SLFN11: variants seen among roughly 807,000 people sequenced by gnomAD.
SLFN11 encodes schlafen family member 11.
Under a neutral mutation model 53.4 loss-of-function variants are expected in SLFN11, and 43 were observed. That is an observed-to-expected ratio of 0.80 (90% CI 0.63 to 1.04). The LOEUF (loss-of-function observed/expected upper bound fraction) is 1.04. SLFN11 is among the 50% of genes least tolerant of loss of function. The pLI, the probability that SLFN11 is intolerant of heterozygous loss-of-function variation, is 0.00. For synonymous variants in SLFN11, 389 were observed against 394.7 expected (o/e 0.99, Z 0.17); for missense variants, 990 against 1,079.1 (o/e 0.92, Z 1.16).
At chr17:35,358,842 C>A (rs946864128) in intron 5 of SLFN11, among the ~76,000 whole-genome samples, 3 of 151,710 alleles carry the variant, frequency 2.0e-5, no homozygotes, top group African/African-American at 7.3e-5. Flanking sequence ...TTTACAATTA[C>A]TGTTATTCAC....
At chr17:35,368,743 A>T (rs773645509) in intron 1 of SLFN11, among the ~76,000 whole-genome samples, 1 of 152,000 alleles carries the variant, frequency 6.6e-6, no homozygotes, top group Non-Finnish European at 1.5e-5. Flanking sequence ...CCTTCCTTCC[A>T]TTTGAGGAGA....
Position 35,366,799 on chromosome 17 carries a change from T to A in SLFN11, c.-20+148A>T, listed in dbSNP as rs575626900. 3.3e-5 allele frequency: 5 copies of A among 152,284 alleles called. No homozygotes were observed. In the East Asian group the frequency reaches 5.8e-4, roughly 18 times the overall value. The allele number at this position is 152,284 out of a possible 1,614,324, so 9.4% of individuals were successfully genotyped here. A position where few individuals can be genotyped will look rare whatever the true frequency, so the allele number is the denominator to read the frequency against. The stretch of plus-strand genomic sequence containing the variant: ...ATAAAAGTGAAGGCTGGGCCGGGTT[T>A]GGTGGCTCATGCCTGTAATCCCAGC... On this transcript the variant is annotated intron_variant, in intron 3 of 6. Transcript: ENST00000685675.
Position 35,352,678 on chromosome 17 carries a change from G to GTGTC in SLFN11, c.2380_2383dup (p.Thr795ArgfsTer8). On this transcript the variant is annotated frameshift_variant, in exon 7 of 7. Coordinates refer to ENST00000685675, the MANE Select transcript of SLFN11 (RefSeq NM_001376007.1). LOFTEE classifies it low-confidence loss of function (END_TRUNC). ...GCCCCTATCAAAGAAGCGCCTGCACGTGTCTGCCACACAGGTCATTATTTG... is the reference window on the plus strand; with the variant it reads ...GCCCCTATCAAAGAAGCGCCTGCACGTGTCTGTCTGCCACACAGGTCATTATTTG... 1 of 1,613,926 alleles carries GTGTC rather than the reference G, an allele frequency of 6.2e-7. No homozygotes were observed. The highest frequency in any genetic ancestry group is 8.5e-7 in the Non-Finnish European group (1 of 1,179,966).
rs777576783 is a variant in SLFN11 at position 35,362,935 on chromosome 17, G to T, written c.873C>A (p.Arg291=). ...CAATTTTGAGTGTGAAGGTTATCGG[G>T]CGTTGGGGTTGGCAAAAATGAACAC... is the stretch of plus-strand genomic sequence containing the variant. ...LPCVHFCQPQ[R]PITFTLKIVN... The change falls in exon 4 of 7, where the codon CGC becomes CGA. Residue 291 remains arginine, a synonymous_variant. Transcript: ENST00000685675. 1.2e-6 allele frequency: 2 copies of T among 1,613,668 alleles called. No individual in the cohort carries two copies. The highest frequency in any genetic ancestry group is 1.1e-5 in the South Asian group (1 of 91,046).
intron 3 of SLFN11, among the ~76,000 whole-genome samples, chr17:35,365,501 C>T (rs1014093166): frequency 1.3e-5 from 2 of 151,952 alleles, no homozygotes; most frequent in Non-Finnish European, 2.9e-5. Context: ...CCCATGTTGC[C>T]CAGGCTGGTC....
Position 35,352,555 on chromosome 17 carries a change from A to G in SLFN11, c.2507T>C (p.Val836Ala). ...LLKAMRKKRV[V>A]QLSDACDMLG... ...CATATCACATGCATCACTGAGCTGC[A>G]CCACCCTTTTCTTCCTCATTGCTTT... is the stretch of plus-strand genomic sequence containing the variant. The change falls in exon 7 of 7, where the codon GTG (valine) becomes GCG (alanine). Residue 836 changes from valine to alanine, a missense_variant. Transcript: ENST00000685675. The G allele has an allele frequency of 6.2e-7, 1 of 1,614,200 alleles. No homozygotes were observed. The highest frequency in any genetic ancestry group is 8.5e-7 in the Non-Finnish European group (1 of 1,180,040).
chr17:35,350,723 C>G lies in SLFN11; in HGVS notation c.*1633G>C, dbSNP rs1406290043. The G allele has an allele frequency of 2.0e-5, 3 of 152,130 alleles. No homozygotes were observed. The highest frequency in any genetic ancestry group is 7.2e-5 in the African/African-American group (3 of 41,412). 9.4% of individuals were successfully genotyped at this position (152,130 alleles called of 1,614,324 possible). ...TCAGATTTTGCTTAAGTTAGGAGAGCCTGCAATTTCAAGCCCAGATAACTG... is the reference window on the plus strand; with the variant it reads ...TCAGATTTTGCTTAAGTTAGGAGAGGCTGCAATTTCAAGCCCAGATAACTG... On this transcript the variant is annotated 3_prime_UTR_variant, in exon 7 of 7. Transcript: ENST00000685675.
At chr17:35,357,134 C>CTGTG (rs1361641012) in intron 5 of SLFN11, among the ~76,000 whole-genome samples, 2 of 118,720 alleles carry the variant, frequency 1.7e-5, no homozygotes, top group Non-Finnish European at 3.7e-5. Context: ...GTTGATTTTT[C>CTGTG]TGTGCGTGTG....
Position 35,352,317 on chromosome 17 carries a change from C to T in SLFN11, c.*39G>A. 6 of 1,603,878 alleles carry T rather than the reference C, an allele frequency of 3.7e-6. No homozygotes were observed. In the South Asian group the frequency reaches 6.7e-5, roughly 18 times the overall value. On this transcript the variant is annotated 3_prime_UTR_variant, in exon 7 of 7. Transcript: ENST00000685675. ...GTTTCTACCATCAGCAGACTGTCAC[C>T]CATAGACATTTACATAGCATTTTGA... is the stretch of plus-strand genomic sequence containing the variant.
chr17:35,362,292 AGTG>A (rs1257755200), intron 4 of SLFN11, among the ~76,000 whole-genome samples: 1 of 151,544 alleles, frequency 6.6e-6, no homozygotes, highest in Non-Finnish European at 1.5e-5. Flanking sequence ...CAAAGATAAT[AGTG>A]AAATGTAGCA....
Position 35,352,462 on chromosome 17 carries a change from C to A in SLFN11, c.2600G>T (p.Gly867Val). The change falls in exon 7 of 7, where the codon GGG (glycine) becomes GTG (valine). Residue 867 changes from glycine to valine, a missense_variant. By Grantham distance (109) the Gly-to-Val change is moderately radical. Coordinates refer to ENST00000685675, the MANE Select transcript of SLFN11 (RefSeq NM_001376007.1). ...TGGGTCAGCTGTCCTTGGATGGATC[C>A]CAAACACTATGCTCCTTTCCAGGCC... Reference protein sequence around the residue: ...FSGLERSIVFGIHPRTADPAI... With the variant: ...FSGLERSIVFVIHPRTADPAI... 1 of 1,614,138 alleles carries A rather than the reference C, an allele frequency of 6.2e-7. No homozygotes were observed. The highest frequency in any genetic ancestry group is 8.5e-7 in the Non-Finnish European group (1 of 1,180,040).
Position 35,351,964 on chromosome 17 carries a change from C to T in SLFN11, c.*392G>A, listed in dbSNP as rs1275884352. 5.3e-6 allele frequency: 1 copy of T among 189,152 alleles called. No individual in the cohort carries two copies. Among genetic ancestry groups the T allele is most frequent in the Admixed American group, 5.4e-5 (1 of 18,580 alleles). The allele number at this position is 189,152 out of a possible 1,614,324, so 11.7% of individuals were successfully genotyped here. ...TGCTTCTGCAGAAAACGATTCTGGA[C>T]AAATTTTTAAAAGCAACAAACTGCA... On this transcript the variant is annotated 3_prime_UTR_variant, in exon 7 of 7. Transcript: ENST00000685675.
At position 35,363,472 on chromosome 17, in the gene SLFN11, A is replaced by T. The variant is rs996308204; in HGVS notation, c.336T>A (p.Ser112Arg). The T allele has an allele frequency of 1.2e-6, 2 of 1,613,884 alleles. No homozygotes were observed. Among genetic ancestry groups the T allele is most frequent in the Non-Finnish European group, 1.7e-6 (2 of 1,179,986 alleles). ...CFYIFVKSWS[S>R]GPFPEDRSVK... ...CAGAGCGATCTTCAGGGAAAGGGCCACTGCTCCAAGATTTAACAAAAATGT... is the reference window on the plus strand; with the variant it reads ...CAGAGCGATCTTCAGGGAAAGGGCCTCTGCTCCAAGATTTAACAAAAATGT... The change falls in exon 4 of 7, where the codon AGT becomes AGA. Residue 112 changes from serine to arginine, a missense_variant. This residue lies in a region of SLFN11 where 521 missense variants were observed against 516.2 expected (regional missense o/e 1.01). Coordinates refer to ENST00000685675, the MANE Select transcript of SLFN11 (RefSeq NM_001376007.1).
intron 3 of SLFN11, among the ~76,000 whole-genome samples, chr17:35,366,095 C>A (rs1908921533): frequency 1.3e-5 from 2 of 152,034 alleles, no homozygotes; most frequent in Admixed American, 1.3e-4. Context: ...TTTTTAAAAG[C>A]CATCCTCCTT....
intron 1 of SLFN11, among the ~76,000 whole-genome samples, chr17:35,370,148 T>G (rs1458405664): frequency 1.3e-5 from 2 of 152,162 alleles, no homozygotes; most frequent in Non-Finnish European, 2.9e-5. Flanking sequence ...TAAGTGCTAT[T>G]TATTTCAGGG....
intron 5 of SLFN11, among the ~76,000 whole-genome samples, chr17:35,357,887 T>G (rs1907728825): frequency 6.8e-6 from 1 of 146,160 alleles, no homozygotes; most frequent in African/African-American, 2.5e-5. Context: ...TATCTATATA[T>G]TATAGTTATA....
intron 5 of SLFN11, 43 bp from the exon 6 acceptor site, chr17:35,354,102 C>T: frequency 6.7e-7 from 1 of 1,502,600 alleles, no homozygotes; most frequent in Non-Finnish European, 8.9e-7. Context: ...GAGAAATAAC[C>T]CTATTGATTA....
Position 35,365,418 on chromosome 17 carries a change from G to T in SLFN11, c.-20+1529C>A, listed in dbSNP as rs190582490. On this transcript the variant is annotated intron_variant, in intron 3 of 6. Coordinates refer to ENST00000685675, the MANE Select transcript of SLFN11 (RefSeq NM_001376007.1). ...CCCACCTCAGCCTCCTGAGTAGCTG[G>T]GACTACAGGCGCACAGCCACTATAC... Among the ~76,000 whole-genome samples the T allele has an allele frequency of 5.9e-5, 9 of 152,010 alleles. No individual in the cohort carries two copies. The East Asian group carries it at 1.7e-3, about 29-fold the overall frequency.
intron 3 of SLFN11, among the ~76,000 whole-genome samples, chr17:35,365,140 G>GA (rs1213554256): frequency 2.0e-5 from 3 of 152,078 alleles, no homozygotes; most frequent in Admixed American, 2.0e-4. Flanking sequence ...AGGAGGAGGA[G>GA]AAATGGAGAT....
Sources: gnomAD v4.1 joint callset for allele counts (sites outside exome capture counted in the v4.1 genomes callset) on GRCh38, gnomAD v4.1.1 for gene constraint, gnomAD v4.1.1 regional missense constraint, MANE v1.5 for transcripts, NCBI Gene and HGNC (gene_info 2026-07-23, HGNC 2026-07-21) for gene names.